ZFP64: variants seen among roughly 807,000 people sequenced by gnomAD.
ZFP64 encodes the protein zinc finger protein 64.
Under a neutral mutation model 51.6 loss-of-function variants are expected in ZFP64, and 14 were observed. That is an observed-to-expected ratio of 0.27 (90% CI 0.18 to 0.42). ZFP64 has a LOEUF of 0.42. ZFP64 is among the 10% of genes least tolerant of loss of function. ZFP64 has a pLI of 1.00. For missense variants in ZFP64, 754 were observed against 906.8 expected (o/e 0.83, Z 2.16); for synonymous variants, 375 against 361.4 (o/e 1.04, Z -0.43).
rs117032976 is a variant in ZFP64 at position 52,169,500 on chromosome 20, C to T, written c.287-3475G>A. ...CAGGTCCTCCCTACAAGTCAGCTCG[C>T]GGGCTCCTCAGCACTCTCTTGAAAG... is the stretch of plus-strand genomic sequence containing the variant. On this transcript the variant is annotated intron_variant, in intron 2 of 5. Coordinates refer to ENST00000216923, the MANE Select transcript of ZFP64 (RefSeq NM_018197.3). Among the ~76,000 whole-genome samples the T allele has an allele frequency of 8.9e-4, 135 of 152,266 alleles. 1 individual carries two copies. Among genetic ancestry groups the T allele is most frequent in the Non-Finnish European group, 1.5e-3 (103 of 68,010 alleles).
intron 5 of ZFP64, among the ~76,000 whole-genome samples, chr20:52,134,629 C>T (rs904622586): frequency 6.6e-6 from 1 of 152,130 alleles, no homozygotes; most frequent in Non-Finnish European, 1.5e-5. Flanking sequence ...ATAGGAAACA[C>T]AGTGACTTGG....
At chr20:52,178,201 A>C (rs1282618266) in intron 2 of ZFP64, among the ~76,000 whole-genome samples, 1 of 152,122 alleles carries the variant, frequency 6.6e-6, no homozygotes, top group African/African-American at 2.4e-5. Flanking sequence ...CGGAAGCTTC[A>C]GATGGTTCTT....
chr20:52,157,710 G>A (rs1288844137), intron 5 of ZFP64, among the ~76,000 whole-genome samples: 1 of 152,138 alleles, frequency 6.6e-6, no homozygotes. Flanking sequence ...TGGGATACAT[G>A]TGCAGAACGT....
intron 7 of ZFP64, among the ~76,000 whole-genome samples, chr20:52,093,462 TC>T (rs1344366671): frequency 6.6e-6 from 1 of 152,106 alleles, no homozygotes; most frequent in African/African-American, 2.4e-5. Context: ...TTATCTGGGG[TC>T]TGTGTATAAA....
intron 5 of ZFP64, among the ~76,000 whole-genome samples, chr20:52,156,162 G>A (rs756559810): frequency 3.3e-5 from 5 of 152,168 alleles, no homozygotes; most frequent in Admixed American, 1.3e-4. Context: ...TCAGTTGGGC[G>A]TCGATTATGC....
chr20:52,143,594 C>T (rs1980378246), intron 5 of ZFP64, among the ~76,000 whole-genome samples: 1 of 141,042 alleles, frequency 7.1e-6, no homozygotes, highest in African/African-American at 2.5e-5. Flanking sequence ...AGTGCGGTGG[C>T]ACATGATCAC....
Position 52,085,060 on chromosome 20 carries a change from G to T in ZFP64, c.1435C>A (p.Arg479=), listed in dbSNP as rs371226164. Reference sequence around the variant, plus strand: ...CGGCTGTGCTCCAGGAGGTCAGCCCGGTCCCGGCCCTGGAAGGCACAGTGC... The same window carrying T: ...CGGCTGTGCTCCAGGAGGTCAGCCCTGTCCCGGCCCTGGAAGGCACAGTGC... The change falls in exon 9 of 9, where the codon CGG becomes AGG. Residue 479 remains arginine, a synonymous_variant. Coordinates refer to the ZFP64 transcript ENST00000361387. This position sits in a 1 kb window ranked among gnomAD's most constrained non-coding sequence, Gnocchi z 4.3. 15 of 1,614,192 alleles carry T rather than the reference G, an allele frequency of 9.3e-6. No homozygotes were observed. In the African/African-American group the frequency reaches 2.0e-4, roughly 22 times the overall value.
intron 7 of ZFP64, among the ~76,000 whole-genome samples, chr20:52,093,143 ATT>A (rs564342669): frequency 8.3e-4 from 123 of 147,472 alleles, no homozygotes; most frequent in African/African-American, 2.6e-3. Flanking sequence ...TAAAAAAAAA[ATT>A]TTTTTTTTTT....
In ZFP64 at chr20:52,152,281, G is replaced by A. The variant is rs1980879803; in HGVS notation, c.1911C>T (p.Asn637=). ...GTGGCGCTGTGGTGGCCACTGCGATGTTCTGGCCTCCATCGCTCACCACTG... is the reference window on the plus strand; with the variant it reads ...GTGGCGCTGTGGTGGCCACTGCGATATTCTGGCCTCCATCGCTCACCACTG... ...EVTVVSDGGQ[N]IAVATTAPPV... The change falls in exon 6 of 6, where the codon AAC becomes AAT. Residue 637 remains asparagine (N), a synonymous_variant. Coordinates refer to ENST00000216923, the MANE Select transcript of ZFP64 (RefSeq NM_018197.3). 1 of 1,614,208 alleles carries A rather than the reference G, an allele frequency of 6.2e-7. No individual in the cohort carries two copies. The highest frequency in any genetic ancestry group is 8.5e-7 in the Non-Finnish European group (1 of 1,180,044).
intron 2 of ZFP64, among the ~76,000 whole-genome samples, chr20:52,180,912 C>T (rs1288639900): frequency 6.6e-6 from 1 of 152,060 alleles, no homozygotes; most frequent in African/African-American, 2.4e-5. Flanking sequence ...CAAACCCTGT[C>T]CCCTGTTTAT....
At chr20:52,115,402 C>T (rs1268828285) in intron 5 of ZFP64, among the ~76,000 whole-genome samples, 1 of 149,444 alleles carries the variant, frequency 6.7e-6, no homozygotes, top group African/African-American at 2.5e-5. Flanking sequence ...AGAATACATG[C>T]TCGCTACAGC....
chr20:52,165,153 T>C (rs1254967299), intron 3 of ZFP64: 1 of 459,866 alleles, frequency 2.2e-6, no homozygotes, highest in Non-Finnish European at 4.4e-6. Flanking sequence ...AGGGGAAAAA[T>C]GTCATTCTTT....
intron 5 of ZFP64, among the ~76,000 whole-genome samples, chr20:52,101,940 CAAAAAA>C (rs1190342919): frequency 2.6e-5 from 2 of 77,676 alleles, no homozygotes; most frequent in African/African-American, 9.3e-5. Flanking sequence ...CTAAAAATAC[CAAAAAA>C]AAAAAAAAAA....
chr20:52,088,210 T>C, intron 8 of ZFP64: 2 of 991,578 alleles, frequency 2.0e-6, no homozygotes, highest in Non-Finnish European at 2.9e-6. Flanking sequence ...GTCAGTCATA[T>C]TTTACCAAAA....
At chr20:52,138,260 A>G (rs1980081092) in intron 5 of ZFP64, among the ~76,000 whole-genome samples, 1 of 152,090 alleles carries the variant, frequency 6.6e-6, no homozygotes, top group South Asian at 2.1e-4. Context: ...AGATGAATAT[A>G]TAACTTTCTA....
At chr20:52,130,632 G>C (rs761959628) in intron 5 of ZFP64, among the ~76,000 whole-genome samples, 18 of 152,170 alleles carry the variant, frequency 1.2e-4, no homozygotes, top group Non-Finnish European at 2.6e-4. Context: ...CTAGCCTATA[G>C]TAGGTGTTCA....
At chr20:52,144,905 A>G (rs990191836) in intron 5 of ZFP64, among the ~76,000 whole-genome samples, 18 of 152,196 alleles carry the variant, frequency 1.2e-4, no homozygotes, top group African/African-American at 4.1e-4. Flanking sequence ...AATATAAACT[A>G]CTAAAATTGA....
downstream of ZFP64, among the ~76,000 whole-genome samples, chr20:52,149,435 C>T (rs1008767450): frequency 2.6e-5 from 4 of 152,062 alleles, no homozygotes; most frequent in Admixed American, 2.6e-4. Context: ...GTTTTGTTGA[C>T]CCACAGGACT....
intron 2 of ZFP64, among the ~76,000 whole-genome samples, chr20:52,169,896 A>C (rs1982580683): frequency 2.0e-5 from 3 of 151,952 alleles, no homozygotes; most frequent in Admixed American, 2.0e-4. Flanking sequence ...TCGACTAAAA[A>C]TACAAAATTA....
Sources: allele counts gnomAD v4.1 joint callset (sites outside exome capture counted in the v4.1 genomes callset), GRCh38; gene constraint gnomAD v4.1.1; non-coding constraint Gnocchi (gnomAD v3.1); transcripts MANE v1.5; gene names NCBI Gene and HGNC (gene_info 2026-07-23, HGNC 2026-07-21).